NUP155: variants seen among roughly 807,000 people sequenced by gnomAD.
The protein encoded by NUP155 is nucleoporin 155.
A neutral mutation model predicts 180.4 loss-of-function variants in NUP155; 71 were observed. The ratio of observed to expected loss-of-function variants is 0.39; its 90% CI spans 0.33 to 0.48. NUP155 has a LOEUF of 0.48. NUP155 is among the 20% of genes least tolerant of loss of function. NUP155 has a pLI of 0.91. For missense variants in NUP155, 1,553 were observed against 1,648.9 expected (o/e 0.94, Z 1.01); for synonymous variants, 582 against 559.5 (o/e 1.04, Z -0.57).
In NUP155 at chr5:37,365,711, G is replaced by GAAA. The variant is rs1747518236; in HGVS notation, c.158-1328_158-1327insTTT. On this transcript the variant is annotated intron_variant, in intron 1 of 34. Coordinates refer to ENST00000231498, the MANE Select transcript of NUP155 (RefSeq NM_153485.3). ...TGACAGAGCAAGACTCTGTCTCGGG[G>GAAA]AGAAAAAAAAAAAAAAAAAAAAAAA... Among the ~76,000 whole-genome samples the GAAA allele has an allele frequency of 1.6e-3, 53 of 33,994 alleles. 4 individuals carry two copies. The highest frequency in any genetic ancestry group is 1.8e-3 in the Non-Finnish European group (39 of 21,114). 22.3% of individuals were successfully genotyped at this position (33,994 alleles called of 152,430 possible).
intron 3 of NUP155, 112 bp from the exon 4 acceptor site, chr5:37,358,263 G>C (rs1746975817): frequency 2.6e-6 from 2 of 771,464 alleles, no homozygotes; most frequent in South Asian, 1.4e-5. Context: ...AGGACTGCCT[G>C]AGCCCAGAAG....
In NUP155 at chr5:37,333,623, C is replaced by T; in HGVS notation, c.1358G>A (p.Gly453Asp). Residue 453 changes from glycine (G) to aspartate (D), a missense_variant, in exon 13 of 35, where the codon GGT (glycine) becomes GAT (aspartate). Gly to Asp is a moderately conservative substitution (Grantham distance 94). Coordinates refer to ENST00000231498, the MANE Select transcript of NUP155 (RefSeq NM_153485.3). ...AAGAGCCCAGGAATGACCATCAACA[C>T]CAGCTGTCATCTATGTAAAAGAAAT... ...KPMMETQMTA[G>D]VDGHSWALSA... The T allele has an allele frequency of 5.6e-6, 9 of 1,613,198 alleles. No individual in the cohort carries two copies. The highest frequency in any genetic ancestry group is 7.6e-6 in the Non-Finnish European group (9 of 1,179,440).
At chr5:37,343,219 C>A (rs1745854638) in intron 9 of NUP155, among the ~76,000 whole-genome samples, 1 of 152,032 alleles carries the variant, frequency 6.6e-6, no homozygotes, top group Non-Finnish European at 1.5e-5. Context: ...GGACTACAGG[C>A]ACCCGCCACC....
intron 9 of NUP155, among the ~76,000 whole-genome samples, chr5:37,345,601 G>A (rs1185487928): frequency 2.6e-5 from 4 of 150,948 alleles, no homozygotes; most frequent in Non-Finnish European, 5.9e-5. Context: ...TGTTAAAATT[G>A]AGATAAAGAG....
rs957776472 is a variant in NUP155 at position 37,338,562 on chromosome 5, C to T, written c.1247-644G>A. On this transcript the variant is annotated intron_variant, in intron 11 of 34. Transcript: ENST00000231498. ...GCTGGGACTACGGCACCTGCCACCA[C>T]GCCCGACTAATTTTTTGTATTTTTA... Among the ~76,000 whole-genome samples the T allele has an allele frequency of 1.1e-4, 17 of 151,872 alleles. 1 individual carries two copies. Among genetic ancestry groups the T allele is most frequent in the East Asian group, 4.0e-4 (2 of 5,060 alleles).
At chr5:37,334,971 A>C (rs948605554) in intron 12 of NUP155, among the ~76,000 whole-genome samples, 10 of 151,950 alleles carry the variant, frequency 6.6e-5, no homozygotes, top group Non-Finnish European at 1.3e-4. Flanking sequence ...CAGCCAGGCC[A>C]ATGTGGTGAA....
chr5:37,309,223 A>G lies in NUP155; in HGVS notation c.2673T>C (p.Thr891=). ...ATTCCCTTAACATTCTTTCTTTTTC[A>G]GTCTTATTTTGAACTTGTCGGGAAC... ...LQRSRQVQNK[T]EKERMLRESL... Residue 891 remains threonine (T), a synonymous_variant, in exon 24 of 35, where the codon ACT becomes ACC. Transcript: ENST00000231498. 1 of 1,613,422 alleles carries G rather than the reference A, an allele frequency of 6.2e-7. No homozygotes were observed. The highest frequency in any genetic ancestry group is 8.5e-7 in the Non-Finnish European group (1 of 1,179,818).
intron 27 of NUP155, among the ~76,000 whole-genome samples, chr5:37,303,618 A>C (rs1016970147): frequency 5.9e-5 from 9 of 152,226 alleles, no homozygotes; most frequent in Admixed American, 5.9e-4. Context: ...AGTTAGCATA[A>C]GAGTTTCCAA....
chr5:37,294,404 T>C lies in NUP155; in HGVS notation c.3855A>G (p.Val1285=), dbSNP rs1455011109. The C allele has an allele frequency of 5.6e-6, 9 of 1,611,544 alleles. No individual in the cohort carries two copies. Among genetic ancestry groups the C allele is most frequent in the Non-Finnish European group, 7.6e-6 (9 of 1,177,808 alleles). ...CTCCAATTTCATTCATTGTCTGTAT[T>C]ACGAAGCCCACATCCCAGTTCAAAG... ...VCTLNWDVGF[V]IQTMNEIGVP... The change falls in exon 33 of 35, where the codon GTA becomes GTG. Residue 1285 remains valine (V), a synonymous_variant. Transcript: ENST00000231498.
rs1485485542 is a variant in NUP155, at chr5:37,370,920, G to C, written c.58C>G (p.Gln20Glu). ...MPASTSAAAL[Q>E]EALENAGRLI... ...CGTCCAGCATTTTCCAGAGCTTCCTGCAGGGCTGCGGCAGATGTAGAGGCC... is the reference window on the plus strand; with the variant it reads ...CGTCCAGCATTTTCCAGAGCTTCCTCCAGGGCTGCGGCAGATGTAGAGGCC... The change falls in exon 1 of 35, where the codon CAG becomes GAG. Residue 20 changes from glutamine (Q) to glutamate (E), a missense_variant. By Grantham distance (29) the Gln-to-Glu change is conservative. Coordinates refer to ENST00000231498, the MANE Select transcript of NUP155 (RefSeq NM_153485.3). The C allele has an allele frequency of 6.2e-7, 1 of 1,614,162 alleles. No individual in the cohort carries two copies. The highest frequency in any genetic ancestry group is 8.5e-7 in the Non-Finnish European group (1 of 1,180,038).
At chr5:37,368,126 G>T (rs899616908) in intron 1 of NUP155, among the ~76,000 whole-genome samples, 1 of 150,950 alleles carries the variant, frequency 6.6e-6, no homozygotes, top group Admixed American at 6.6e-5. Flanking sequence ...ACTCAGGCTG[G>T]TCTCAAACTC....
intron 5 of NUP155, among the ~76,000 whole-genome samples, chr5:37,352,360 AAAAC>A (rs1315728560): frequency 3.3e-5 from 5 of 151,920 alleles, no homozygotes; most frequent in African/African-American, 7.3e-5. Flanking sequence ...TCCCTTATCA[AAAAC>A]AAACAAACAA....
At chr5:37,352,533 C>T (rs111696700) in intron 5 of NUP155, among the ~76,000 whole-genome samples, 8,298 of 151,896 alleles carry the variant, frequency 0.055, 721 homozygotes, top group African/African-American at 0.18. Flanking sequence ...AGCGAAAATC[C>T]GTCTCAAAAA....
Position 37,370,878 on chromosome 5 carries a change from A to G in NUP155, c.100T>C (p.Leu34=). ...TCCGGGTACATGCGGTCCTCTTGCA[A>G]CTGACGGTCGATGAGCCGTCCAGCA... The part of the protein sequence containing the change: ...ENAGRLIDRQ[L]QEDRMYPDLS... The change falls in exon 1 of 35, where the codon TTG becomes CTG. Residue 34 remains leucine, a synonymous_variant. Transcript: ENST00000231498. 1 of 1,614,212 alleles carries G rather than the reference A, an allele frequency of 6.2e-7. No homozygotes were observed. The highest frequency in any genetic ancestry group is 8.5e-7 in the Non-Finnish European group (1 of 1,180,032).
chr5:37,288,909 CA>C lies in NUP155; in HGVS notation c.*2990del, dbSNP rs57989646. 1.3e-3 allele frequency: 188 copies of C among 143,770 alleles called. No homozygotes were observed. Among genetic ancestry groups the C allele is most frequent in the Middle Eastern group, 3.5e-3 (1 of 288 alleles). 8.9% of individuals were successfully genotyped at this position (143,770 alleles called of 1,614,324 possible). A position where few individuals can be genotyped will look rare whatever the true frequency, so the allele number is the denominator to read the frequency against. ...TGAAACCCCATCTCTACTAAAAATA[CA>C]AAAAAAAAAAATTAGCCAGGCATGG... On this transcript the variant is annotated 3_prime_UTR_variant, in exon 35 of 35. Transcript: ENST00000231498.
intron 11 of NUP155, among the ~76,000 whole-genome samples, chr5:37,340,780 C>T (rs968555401): frequency 1.3e-5 from 2 of 152,196 alleles, no homozygotes; most frequent in African/African-American, 4.8e-5. Flanking sequence ...GTGAAAACTA[C>T]ACTTTCAACT....
intron 21 of NUP155, among the ~76,000 whole-genome samples, chr5:37,315,732 C>G (rs542503614): frequency 6.6e-5 from 10 of 152,252 alleles, no homozygotes; most frequent in African/African-American, 2.4e-4. Context: ...CACCTGAGGT[C>G]AGGAGTTCAA....
chr5:37,315,549 G>C (rs1224961833), intron 21 of NUP155, among the ~76,000 whole-genome samples: 1 of 143,988 alleles, frequency 6.9e-6, no homozygotes, highest in Non-Finnish European at 1.5e-5. Flanking sequence ...GCCATTCCAT[G>C]TTCATTAGGA....
chr5:37,371,071 G>C lies in NUP155; in HGVS notation c.-94C>G. ...AAGTTAGCTTAGATCCGCCGCCTAG[G>C]GCGCGCGCGCCAAACGAGCGCCTTG... On this transcript the variant is annotated 5_prime_UTR_variant, in exon 1 of 35. Transcript: ENST00000231498. 4.3e-6 allele frequency: 6 copies of C among 1,392,190 alleles called. No individual in the cohort carries two copies. Among genetic ancestry groups the C allele is most frequent in the Admixed American group, 3.8e-5 (2 of 52,190 alleles). The allele number at this position is 1,392,190 out of a possible 1,614,324, so 86.2% of individuals were successfully genotyped here.
Sources: allele counts gnomAD v4.1 joint callset (sites outside exome capture counted in the v4.1 genomes callset), GRCh38; gene constraint gnomAD v4.1.1; transcripts MANE v1.5; gene names NCBI Gene and HGNC (gene_info 2026-07-23, HGNC 2026-07-21).